ZBTB17: variants seen among roughly 807,000 people sequenced by gnomAD.
ZBTB17 encodes zinc finger and BTB domain containing 17.
A neutral mutation model predicts 85.1 loss-of-function variants in ZBTB17; 24 were observed. The ratio of observed to expected loss-of-function variants is 0.28; its 90% confidence interval spans 0.20 to 0.40. The LOEUF is 0.40. Ranked by LOEUF, ZBTB17 falls within the 10% of genes least tolerant of loss-of-function variation. ZBTB17 has a pLI of 1.00. For missense variants in ZBTB17, 743 were observed against 1,105.1 expected (o/e 0.67, Z 4.65); for synonymous variants, 464 against 460.2 (o/e 1.01, Z -0.11).
chr1:15,970,414 CAG>C (rs2072605163), intron 2 of ZBTB17, among the ~76,000 whole-genome samples: 1 of 151,592 alleles, frequency 6.6e-6, no homozygotes. Context: ...ATTTTTGAGA[CAG>C]AGTCTCACTC....
rs2072762789 is a variant in ZBTB17 at position 15,973,899 on chromosome 1, C to T, written c.-89-774G>A. 6.6e-6 allele frequency among the ~76,000 whole-genome samples: 1 copy of T among 152,294 alleles called. No homozygotes were observed. Among genetic ancestry groups the T allele is most frequent in the Non-Finnish European group, 1.5e-5 (1 of 68,026 alleles). On this transcript the variant is annotated intron_variant, in intron 1 of 15. Coordinates refer to ENST00000375743, the MANE Select transcript of ZBTB17 (RefSeq NM_003443.3). The surrounding 1 kb of genome is among the most constrained non-coding windows in gnomAD (Gnocchi z 4.1). ...AGAGTGATCTTCCTAATCCACAAAT[C>T]TGATTCGTGGCCAGGCATGGTTGCA... is the stretch of plus-strand genomic sequence containing the variant.
chr1:15,970,367 GAA>G (rs1244325448), intron 2 of ZBTB17, among the ~76,000 whole-genome samples: 1 of 28,124 alleles, frequency 3.6e-5, no homozygotes, highest in Non-Finnish European at 7.4e-5. Flanking sequence ...TGGACTTAAA[GAA>G]GAAAAAAAAA....
chr1:15,967,195 G>A (rs2072472704), intron 2 of ZBTB17, among the ~76,000 whole-genome samples: 1 of 151,876 alleles, frequency 6.6e-6, no homozygotes. Context: ...GGGCAACGTG[G>A]CGAAACCCTA....
chr1:15,974,288 G>A (rs2072778836), intron 1 of ZBTB17, among the ~76,000 whole-genome samples: 1 of 149,886 alleles, frequency 6.7e-6, no homozygotes, highest in Non-Finnish European at 1.5e-5. Flanking sequence ...CAAGAAGCTG[G>A]GACCACCAGA....
At chr1:15,967,663 T>A (rs758931265) in intron 2 of ZBTB17, among the ~76,000 whole-genome samples, 3 of 152,224 alleles carry the variant, frequency 2.0e-5, no homozygotes, top group Non-Finnish European at 4.4e-5. Context: ...TTTTCTTTTT[T>A]GACCCTCAAG....
Position 15,943,667 on chromosome 1 carries a change from A to G in ZBTB17, c.1508T>C (p.Val503Ala). The change falls in exon 11 of 16, where the codon GTG becomes GCG. Residue 503 changes from valine (V) to alanine (A), a missense_variant. Physicochemically the swap from Val to Ala is moderately conservative, Grantham distance 64. Coordinates refer to ENST00000375743, the MANE Select transcript of ZBTB17 (RefSeq NM_003443.3). ...AAACTGTCGCTGGCAGTGGATGCAC[A>G]CGTAGGGCTTCTCCCCGCTGTGGAT... ...LRIHSGEKPY[V>A]CIHCQRQFAD... 6.2e-7 allele frequency: 1 copy of G among 1,613,298 alleles called. No homozygotes were observed. The highest frequency in any genetic ancestry group is 8.5e-7 in the Non-Finnish European group (1 of 1,179,952).
intron 2 of ZBTB17, among the ~76,000 whole-genome samples, chr1:15,971,580 T>TAC (rs1163868211): frequency 7.8e-6 from 1 of 128,726 alleles, no homozygotes; most frequent in Non-Finnish European, 1.6e-5. Context: ...TATATATATA[T>TAC]ACACACACAC....
Position 15,973,844 on chromosome 1 carries a change from C to T in ZBTB17, c.-89-719G>A, listed in dbSNP as rs2072761467. Reference sequence around the variant, plus strand: ...CAGGCTCTTAATTGGCCTACAGGCCCACTCCCTTTGATACATTCTTCACTT... The same window carrying T: ...CAGGCTCTTAATTGGCCTACAGGCCTACTCCCTTTGATACATTCTTCACTT... On this transcript the variant is annotated intron_variant, in intron 1 of 15. Coordinates refer to ENST00000375743, the MANE Select transcript of ZBTB17 (RefSeq NM_003443.3). This position sits in a 1 kb window ranked among gnomAD's most constrained non-coding sequence, Gnocchi z 4.1. 6.6e-6 allele frequency among the ~76,000 whole-genome samples: 1 copy of T among 152,214 alleles called. No homozygotes were observed. The highest frequency in any genetic ancestry group is 2.1e-4 in the South Asian group (1 of 4,828).
intron 2 of ZBTB17, among the ~76,000 whole-genome samples, chr1:15,950,853 G>A (rs567615952): frequency 2.0e-5 from 3 of 152,338 alleles, no homozygotes; most frequent in Admixed American, 6.5e-5. Context: ...AGGCTGGGAT[G>A]AGCCTCCCTG....
At chr1:15,949,482 C>G (rs984342283) in intron 2 of ZBTB17, among the ~76,000 whole-genome samples, 3 of 152,248 alleles carry the variant, frequency 2.0e-5, no homozygotes, top group Admixed American at 2.0e-4. Context: ...CCACATTAGA[C>G]AGATTCAACT....
At chr1:15,948,122 CA>C (rs1417900908) in intron 3 of ZBTB17, 168 bp downstream of exon 3, 4 of 787,220 alleles carry the variant, frequency 5.1e-6, no homozygotes, top group African/African-American at 1.7e-5. Flanking sequence ...AACAGGCCCC[CA>C]AAAGGTGGGA....
At chr1:15,959,663 C>A (rs912766045) in intron 2 of ZBTB17, among the ~76,000 whole-genome samples, 1 of 151,792 alleles carries the variant, frequency 6.6e-6, no homozygotes, top group Non-Finnish European at 1.5e-5. Context: ...TCCCAGCTAT[C>A]TGGGAGGCTG....
At chr1:15,949,910 C>T (rs961166963) in intron 2 of ZBTB17, among the ~76,000 whole-genome samples, 10 of 152,230 alleles carry the variant, frequency 6.6e-5, no homozygotes, top group African/African-American at 2.4e-4. Flanking sequence ...GGGAGCATGG[C>T]AGTGGCAACA....
At chr1:15,965,854 G>A (rs1262363308) in intron 2 of ZBTB17, among the ~76,000 whole-genome samples, 2 of 152,142 alleles carry the variant, frequency 1.3e-5, no homozygotes, top group Non-Finnish European at 2.9e-5. Context: ...ACAAACACAT[G>A]GTAAAACTAT....
At chr1:15,948,194 C>T in intron 3 of ZBTB17, 97 bp downstream of exon 3, 2 of 1,454,538 alleles carry the variant, frequency 1.4e-6, no homozygotes, top group Non-Finnish European at 1.9e-6. Flanking sequence ...TTGCATCCCA[C>T]AGCCTGCAGG....
intron 3 of ZBTB17, 181 bp downstream of exon 3, chr1:15,948,110 A>G: frequency 2.8e-6 from 2 of 723,118 alleles, no homozygotes; most frequent in Non-Finnish European, 4.7e-6. Flanking sequence ...ACTACCAATC[A>G]AAACAGGCCC....
chr1:15,975,994 C>T lies in ZBTB17; in HGVS notation c.-101G>A, dbSNP rs1343111742. The T allele has an allele frequency of 1.4e-6, 1 of 699,712 alleles. No homozygotes were observed. Among genetic ancestry groups the T allele is most frequent in the South Asian group, 1.5e-5 (1 of 67,104 alleles). 43.3% of individuals were successfully genotyped at this position (699,712 alleles called of 1,614,324 possible). ...TTGTTGACACTCACCTGCCATGTCC[C>T]GGACCCCACCGCAGAGGGAGGTGCA... is the stretch of plus-strand genomic sequence containing the variant. On this transcript the variant is annotated 5_prime_UTR_variant, in exon 1 of 16. Transcript: ENST00000375743.
At chr1:15,945,912 C>A in intron 5 of ZBTB17, 72 bp from the exon 6 acceptor site, 2 of 1,563,840 alleles carry the variant, frequency 1.3e-6, no homozygotes, top group East Asian at 2.3e-5. Context: ...CCTGGACCAG[C>A]GCGCTGGTGG....
chr1:15,957,332 TGA>T (rs1244425278), intron 2 of ZBTB17, among the ~76,000 whole-genome samples: 1 of 137,672 alleles, frequency 7.3e-6, no homozygotes, highest in Non-Finnish European at 1.6e-5. Flanking sequence ...GCAAAAACCC[TGA>T]GGCGGGCATG....
Sources: gnomAD v4.1 joint callset for allele counts (sites outside exome capture counted in the v4.1 genomes callset) on GRCh38, gnomAD v4.1.1 for gene constraint, Gnocchi (gnomAD v3.1) non-coding constraint, MANE v1.5 for transcripts, NCBI Gene and HGNC (gene_info 2026-07-23, HGNC 2026-07-21) for gene names.